The following COL14A1 variants were observed in gnomAD, a reference collection of about 807,000 sequenced individuals.
The protein encoded by COL14A1 is collagen alpha-1(XIV) chain.
COL14A1 carries 136 observed loss-of-function variants against 230.3 expected under a neutral mutation model. The observed-to-expected ratio is 0.59, with a 90% CI of 0.51 to 0.68. COL14A1 has a LOEUF of 0.68. Ranked by LOEUF, COL14A1 falls within the 30% of genes least tolerant of loss-of-function variation. The probability of loss-of-function intolerance (pLI) is 0.00; values close to 1 mark genes in which losing one functional copy is unlikely to be tolerated. For missense variants in COL14A1, 1,976 were observed against 2,215.8 expected (o/e 0.89, Z 2.17); for synonymous variants, 792 against 784.1 (o/e 1.01, Z -0.17).
In COL14A1 at chr8:120,225,221, A is replaced by G. The variant is rs749693545; in HGVS notation, c.1864+7A>G. On this transcript the variant is annotated splice_region_variant and intron_variant, in intron 15 of 47. Transcript: ENST00000297848. ...ACTGGAGTTTTTACCACCGGTAAGC[A>G]GCCTCATTATGGTTTGAAAAGTTTT... The G allele has an allele frequency of 6.2e-7, 1 of 1,610,678 alleles. No homozygotes were observed. Among genetic ancestry groups the G allele is most frequent in the South Asian group, 1.1e-5 (1 of 90,356 alleles).
intron 8 of COL14A1, among the ~76,000 whole-genome samples, chr8:120,203,174 T>C (rs1010451400): frequency 2.0e-5 from 3 of 151,956 alleles, no homozygotes; most frequent in African/African-American, 7.2e-5. Context: ...CTTCCTGTTA[T>C]GATGTATTGA....
chr8:120,188,288 G>A (rs1816706687), intron 5 of COL14A1, among the ~76,000 whole-genome samples: 1 of 152,014 alleles, frequency 6.6e-6, no homozygotes, highest in Non-Finnish European at 1.5e-5. Context: ...CACCATGTTA[G>A]CCAGGCTGGT....
intron 36 of COL14A1, among the ~76,000 whole-genome samples, chr8:120,302,440 G>A (rs1459017141): frequency 2.0e-5 from 3 of 152,166 alleles, no homozygotes; most frequent in Non-Finnish European, 4.4e-5. Context: ...AAGGGGTCCA[G>A]TTTCAATCTT....
intron 18 of COL14A1, among the ~76,000 whole-genome samples, chr8:120,229,684 C>A (rs13281831): frequency 0.53 from 80,520 of 151,818 alleles, 21,865 homozygotes; most frequent in Middle Eastern, 0.63. Flanking sequence ...GAGGAATCGC[C>A]ACACTGTCTT....
intron 14 of COL14A1, among the ~76,000 whole-genome samples, chr8:120,221,168 G>A (rs1449280665): frequency 6.6e-6 from 1 of 152,178 alleles, no homozygotes; most frequent in African/African-American, 2.4e-5. Flanking sequence ...CCTAATAGCA[G>A]TGACTCAGCA....
intron 22 of COL14A1, 133 bp downstream of exon 22, chr8:120,250,899 C>T (rs992628027): frequency 2.8e-5 from 27 of 966,106 alleles, no homozygotes; most frequent in Non-Finnish European, 3.6e-5. Flanking sequence ...CATCCGCCTC[C>T]AGGGTTCAAG....
intron 37 of COL14A1, 27 bp downstream of exon 37, chr8:120,310,089 C>G (rs1563730800): frequency 2.1e-5 from 33 of 1,606,034 alleles, no homozygotes; most frequent in Non-Finnish European, 2.5e-5. Context: ...CTCTCTCTCT[C>G]TGTCTCATCT....
chr8:120,308,731 G>A lies in COL14A1; in HGVS notation c.4402-1278G>A, dbSNP rs1820929386. On this transcript the variant is annotated intron_variant, in intron 36 of 47. Coordinates refer to ENST00000297848, the MANE Select transcript of COL14A1 (RefSeq NM_021110.4). ...TACAGCATTCTGCTAATAGTGTACA[G>A]AATCCCTTTTAGTAATCCTGGACAT... Among the ~76,000 whole-genome samples, 3 of 152,176 alleles carry A rather than the reference G, an allele frequency of 2.0e-5. No individual in the cohort carries two copies. In the South Asian group the frequency reaches 6.2e-4, roughly 32 times the overall value.
chr8:120,165,160 T>G (rs1176319543), intron 4 of COL14A1, among the ~76,000 whole-genome samples: 1 of 152,250 alleles, frequency 6.6e-6, no homozygotes, highest in Non-Finnish European at 1.5e-5. Context: ...TGAAAATTGC[T>G]TGGATAGCTT....
At chr8:120,180,096 GA>G (rs1268403812) in intron 5 of COL14A1, among the ~76,000 whole-genome samples, 1 of 152,082 alleles carries the variant, frequency 6.6e-6, no homozygotes, top group South Asian at 2.1e-4. Context: ...AAAAACACTA[GA>G]AAAAAACCTA....
intron 40 of COL14A1, among the ~76,000 whole-genome samples, chr8:120,321,173 C>A (rs780335972): frequency 6.6e-5 from 10 of 152,148 alleles, no homozygotes; most frequent in Non-Finnish European, 1.2e-4. Context: ...CATTTTGGGG[C>A]AATAGGAACC....
intron 40 of COL14A1, among the ~76,000 whole-genome samples, chr8:120,328,389 T>A (rs1466987774): frequency 8.1e-6 from 1 of 124,170 alleles, no homozygotes; most frequent in African/African-American, 3.0e-5. Flanking sequence ...CAGAGCAATT[T>A]TTTTTTAATT....
intron 43 of COL14A1, among the ~76,000 whole-genome samples, chr8:120,341,636 A>G (rs953065773): frequency 6.6e-6 from 1 of 152,188 alleles, no homozygotes; most frequent in African/African-American, 2.4e-5. Flanking sequence ...AAATGGAGAG[A>G]ATCACCGTCA....
At position 120,226,669 on chromosome 8, in the gene COL14A1, CGACA is replaced by C. The variant is rs1563682954; in HGVS notation, c.1913_1916del (p.Asp638ValfsTer4). 2 of 1,613,774 alleles carry C rather than the reference CGACA, an allele frequency of 1.2e-6. No homozygotes were observed. The highest frequency in any genetic ancestry group is 1.7e-5 in the Admixed American group (1 of 59,992). On this transcript the variant is annotated frameshift_variant, in exon 16 of 48. Coordinates refer to ENST00000297848, the MANE Select transcript of COL14A1 (RefSeq NM_021110.4). LOFTEE classifies it high-confidence loss of function. ...CAATACTTAGAAATTGATGAGGTGACGACAGACAGTTTTAGGGTGACCTGGCATC... is the reference window on the plus strand; with the variant it reads ...CAATACTTAGAAATTGATGAGGTGACGACAGTTTTAGGGTGACCTGGCATC...
intron 45 of COL14A1, among the ~76,000 whole-genome samples, chr8:120,360,572 CCTG>C: frequency 6.6e-6 from 1 of 152,234 alleles, no homozygotes; most frequent in East Asian, 1.9e-4. Flanking sequence ...GCAGATAATG[CCTG>C]TTCTTCAAGA....
chr8:120,292,652 C>T (rs1478959806), intron 34 of COL14A1, among the ~76,000 whole-genome samples: 1 of 152,036 alleles, frequency 6.6e-6, no homozygotes, highest in Non-Finnish European at 1.5e-5. Context: ...CATTTGTACT[C>T]TAATATCCAG....
intron 19 of COL14A1, among the ~76,000 whole-genome samples, chr8:120,239,039 G>C (rs143888679): frequency 0.016 from 2,510 of 152,322 alleles, 58 homozygotes; most frequent in African/African-American, 0.055. Flanking sequence ...GCAGACCAGA[G>C]CTGTTCCTAT....
intron 23 of COL14A1, among the ~76,000 whole-genome samples, chr8:120,261,169 C>A (rs1819312745): frequency 1.3e-5 from 2 of 152,140 alleles, no homozygotes; most frequent in South Asian, 4.1e-4. Flanking sequence ...CTGATTTGAT[C>A]ATTGTACATT....
chr8:120,124,708 G>C (rs1289429181), upstream of COL14A1, among the ~76,000 whole-genome samples: 1 of 152,200 alleles, frequency 6.6e-6, no homozygotes, highest in Non-Finnish European at 1.5e-5. Flanking sequence ...CAGGGTCTTT[G>C]ACGCGGGAAG....
Sources: gnomAD v4.1 joint callset for allele counts (sites outside exome capture counted in the v4.1 genomes callset) on GRCh38, gnomAD v4.1.1 for gene constraint, MANE v1.5 for transcripts, NCBI Gene and HGNC (gene_info 2026-07-23, HGNC 2026-07-21) for gene names.